The following NIBAN3 variants were observed in gnomAD, a reference collection of about 807,000 sequenced individuals.
NIBAN3 encodes the protein protein Niban 3.
In NIBAN3, 66 loss-of-function variants were observed where a neutral mutation model predicts 76.4. The observed-to-expected ratio is 0.86, with a 90% CI of 0.71 to 1.06. The LOEUF (loss-of-function observed/expected upper bound fraction) is 1.06, where lower values mean the gene tolerates loss of function less well. NIBAN3 is among the 50% of genes least tolerant of loss of function. The pLI is 0.00. For missense variants in NIBAN3, 808 were observed against 810.7 expected (o/e 1.00, Z 0.04); for synonymous variants, 360 against 355.2 (o/e 1.01, Z -0.15).
chr19:17,526,062 A>AG (rs2075603562), upstream of NIBAN3, among the ~76,000 whole-genome samples: 1 of 151,782 alleles, frequency 6.6e-6, no homozygotes. Context: ...TAAAAAAAAA[A>AG]GAACACTTTA....
At chr19:17,551,375 G>A (rs753197561) in intron 14 of NIBAN3, among the ~76,000 whole-genome samples, 2 of 151,564 alleles carry the variant, frequency 1.3e-5, no homozygotes, top group Non-Finnish European at 1.5e-5. Flanking sequence ...GATTACAAGC[G>A]TGAGCCACTG....
intron 8 of NIBAN3, 51 bp from the exon 9 acceptor site, chr19:17,540,341 C>T: frequency 1.5e-6 from 2 of 1,347,444 alleles, no homozygotes; most frequent in South Asian, 1.8e-5. Flanking sequence ...ACATCCCCAT[C>T]TGTGAGGCAC....
chr19:17,549,849 G>A (rs549284018), intron 14 of NIBAN3: 2 of 511,860 alleles, frequency 3.9e-6, no homozygotes, highest in South Asian at 7.0e-5. Flanking sequence ...TTGAGACAGA[G>A]TCTAGATCTG....
chr19:17,538,613 C>T (rs1280733913), intron 5 of NIBAN3, among the ~76,000 whole-genome samples: 1 of 145,416 alleles, frequency 6.9e-6, no homozygotes, highest in African/African-American at 2.6e-5. Flanking sequence ...ACAGAGAGAC[C>T]CCCTGAGAAA....
chr19:17,527,922 GAGCTCA>G (rs1172734148), intron 1 of NIBAN3, among the ~76,000 whole-genome samples: 4 of 151,886 alleles, frequency 2.6e-5, no homozygotes, highest in African/African-American at 9.7e-5. Context: ...TTGAACTCCT[GAGCTCA>G]AGCGATCCTC....
rs779753560 is a variant in NIBAN3 at position 17,543,676 on chromosome 19, T to A, written c.1554+45T>A. ...GCAAGAGGGTCTGACAGCATCACCA[T>A]GCATCCACTTAAAGTGGGCAAGAAT... is the stretch of plus-strand genomic sequence containing the variant. On this transcript the variant is annotated intron_variant, in intron 12 of 14. Transcript: ENST00000599164. The A allele has an allele frequency of 3.0e-5, 45 of 1,498,664 alleles. No individual in the cohort carries two copies. In the South Asian group the frequency reaches 5.0e-4, roughly 17 times the overall value. The allele number at this position is 1,498,664 out of a possible 1,614,324, so 92.8% of individuals were successfully genotyped here.
At chr19:17,538,111 G>C (rs73022406) in intron 5 of NIBAN3, among the ~76,000 whole-genome samples, 1 of 151,850 alleles carries the variant, frequency 6.6e-6, no homozygotes, top group Non-Finnish European at 1.5e-5. Context: ...GGAAGCTGGG[G>C]TCTGTAAAAG....
At chr19:17,525,342 CATTCA>C (rs2075594605), upstream of NIBAN3, among the ~76,000 whole-genome samples, 3 of 151,610 alleles carry the variant, frequency 2.0e-5, no homozygotes, top group African/African-American at 7.3e-5. Flanking sequence ...TCCCTTCATT[CATTCA>C]TTCATTCATT....
Position 17,537,401 on chromosome 19 carries a change from C to G in NIBAN3, c.453C>G (p.Asp151Glu). 6.2e-7 allele frequency: 1 copy of G among 1,614,108 alleles called. No individual in the cohort carries two copies. Reference sequence around the variant, plus strand: ...GAGACCATACTCAGGAAGAGCCTGACTCCCTCTTGGAAGTGCCTGTGAGCT... The same window carrying G: ...GAGACCATACTCAGGAAGAGCCTGAGTCCCTCTTGGAAGTGCCTGTGAGCT... ...SLGDHTQEEP[D>E]SLLEVPVSFP... The change falls in exon 5 of 15, where the codon GAC (aspartate) becomes GAG (glutamate). Residue 151 changes from aspartate to glutamate, a missense_variant. Physicochemically the swap from Asp to Glu is conservative, Grantham distance 45. Transcript: ENST00000599164.
chr19:17,533,788 G>A (rs1031786217), intron 4 of NIBAN3, 87 bp downstream of exon 4: 36 of 1,002,802 alleles, frequency 3.6e-5, no homozygotes, highest in Admixed American at 1.9e-4. Flanking sequence ...CGGTGGGGGC[G>A]TCCCGTGTAC....
intron 14 of NIBAN3, among the ~76,000 whole-genome samples, 197 bp from the exon 15 acceptor site, chr19:17,551,589 G>T (rs534693008): frequency 7.2e-5 from 11 of 151,948 alleles, no homozygotes; most frequent in Non-Finnish European, 1.2e-4. Flanking sequence ...TGTATTTTTA[G>T]TAAAGATGAG....
rs7260591 is a variant in NIBAN3, at chr19:17,552,415, G to C, written c.*517G>C. On this transcript the variant is annotated 3_prime_UTR_variant, in exon 15 of 15. Coordinates refer to ENST00000599164, the MANE Select transcript of NIBAN3 (RefSeq NM_001321827.2). Reference sequence around the variant, plus strand: ...TTTTAAATAATAGAGACAAGGTCTCGCTATGCTGCCCAGGCTGATCTCAAA... The same window carrying C: ...TTTTAAATAATAGAGACAAGGTCTCCCTATGCTGCCCAGGCTGATCTCAAA... 8,927 of 150,984 alleles carry C rather than the reference G, an allele frequency of 0.059. 806 individuals are homozygous for C. Among genetic ancestry groups the C allele is most frequent in the African/African-American group, 0.2 (8,287 of 41,070 alleles). 9.4% of individuals were successfully genotyped at this position (150,984 alleles called of 1,614,324 possible).
intron 13 of NIBAN3, 32 bp downstream of exon 13, chr19:17,546,829 C>T (rs372487299): frequency 1.9e-6 from 3 of 1,564,282 alleles, no homozygotes; most frequent in African/African-American, 2.7e-5. Context: ...CTCAGAGGAG[C>T]CTGGCGTCCC....
chr19:17,541,950 A>G (rs1322519767), intron 9 of NIBAN3, among the ~76,000 whole-genome samples, 186 bp from the exon 10 acceptor site: 1 of 151,964 alleles, frequency 6.6e-6, no homozygotes, highest in Non-Finnish European at 1.5e-5. Context: ...TCCCAAACTG[A>G]TGGGACTACA....
chr19:17,555,280 A>G (rs1372794926), downstream of NIBAN3, among the ~76,000 whole-genome samples: 1 of 152,176 alleles, frequency 6.6e-6, no homozygotes, highest in Admixed American at 6.5e-5. Context: ...CCCACGTTGC[A>G]GCAGAGGAAA....
chr19:17,533,500 C>A, intron 3 of NIBAN3, 87 bp from the exon 4 acceptor site: 2 of 852,226 alleles, frequency 2.3e-6, no homozygotes, highest in South Asian at 1.6e-5. Flanking sequence ...TTCAGCTCAT[C>A]TGAAATCTTC....
chr19:17,533,108 A>T (rs1011648380), intron 3 of NIBAN3, among the ~76,000 whole-genome samples: 3 of 152,116 alleles, frequency 2.0e-5, no homozygotes. Context: ...CTCCGTCTCT[A>T]CTAAAAATAC....
chr19:17,539,724 A>G lies in NIBAN3; in HGVS notation c.938A>G (p.Gln313Arg). The change falls in exon 8 of 15, where the codon CAG (glutamine) becomes CGG (arginine). Residue 313 changes from glutamine to arginine, a missense_variant. Transcript: ENST00000599164. The part of the protein sequence containing the change: ...LEKTIRPDVD[Q>R]LLRQRARVAG... Reference sequence around the variant, plus strand: ...AAGACGATCCGCCCGGACGTGGACCAGCTGCTGCGGCAGCGGGCGCGTGTG... The same window carrying G: ...AAGACGATCCGCCCGGACGTGGACCGGCTGCTGCGGCAGCGGGCGCGTGTG... The G allele has an allele frequency of 6.5e-7, 1 of 1,544,330 alleles. No homozygotes were observed. The highest frequency in any genetic ancestry group is 1.4e-5 in the African/African-American group (1 of 73,452).
chr19:17,548,029 G>T (rs1429019866), intron 13 of NIBAN3, among the ~76,000 whole-genome samples: 2 of 152,166 alleles, frequency 1.3e-5, no homozygotes, highest in East Asian at 3.8e-4. Flanking sequence ...GTTTTTCTCT[G>T]GGCTGGCATT....
Sources: gnomAD v4.1 joint callset for allele counts (sites outside exome capture counted in the v4.1 genomes callset) on GRCh38, gnomAD v4.1.1 for gene constraint, MANE v1.5 for transcripts, NCBI Gene and HGNC (gene_info 2026-07-23, HGNC 2026-07-21) for gene names.